ALK: variants seen among roughly 807,000 people sequenced by gnomAD.
The protein encoded by ALK is ALK receptor tyrosine kinase, also known as ALK tyrosine kinase receptor.
In ALK, 74 loss-of-function variants were observed where a neutral mutation model predicts 163.1. The observed-to-expected ratio is 0.45, with a 90% CI of 0.38 to 0.55. The LOEUF is 0.55. ALK is among the 20% of genes least tolerant of loss of function. The pLI is 0.00. For synonymous variants in ALK, 960 were observed against 843.2 expected (o/e 1.14, Z -2.40); for missense variants, 2,063 against 2,105.3 (o/e 0.98, Z 0.39).
rs376883960 is a variant in ALK at position 29,906,140 on chromosome 2, G to C, written c.667+13853C>G. On this transcript the variant is annotated intron_variant, in intron 1 of 28. Transcript: ENST00000389048. ...TAAGAGGAGAGGGCGTGTGGGGCAG[G>C]GGGGAAGAAGCAGGCTCAGTGAGCA... 3.8e-4 allele frequency among the ~76,000 whole-genome samples: 52 copies of C among 136,826 alleles called. 1 individual carries two copies. Among genetic ancestry groups the C allele is most frequent in the African/African-American group, 1.1e-3 (29 of 27,156 alleles). 89.8% of individuals were successfully genotyped at this position (136,826 alleles called of 152,430 possible).
intron 1 of ALK, among the ~76,000 whole-genome samples, chr2:29,822,846 G>C (rs1665086574): frequency 6.6e-6 from 1 of 152,248 alleles, no homozygotes; most frequent in South Asian, 2.1e-4. Flanking sequence ...CCTATCAAGT[G>C]AGGCTGTTGG....
chr2:29,490,471 G>C (rs1010563944), intron 4 of ALK, among the ~76,000 whole-genome samples: 1 of 152,174 alleles, frequency 6.6e-6, no homozygotes, highest in African/African-American at 2.4e-5. Flanking sequence ...GCATCATCTG[G>C]GGACTTGTTA....
intron 1 of ALK, among the ~76,000 whole-genome samples, chr2:29,739,315 G>T (rs531597359): frequency 2.1e-5 from 3 of 145,098 alleles, no homozygotes; most frequent in African/African-American, 7.7e-5. Context: ...ATCCCAGCAC[G>T]CTGGGAGCCC....
chr2:29,603,464 AGTCT>A (rs1271132469), intron 3 of ALK, among the ~76,000 whole-genome samples: 2 of 152,110 alleles, frequency 1.3e-5, no homozygotes, highest in Non-Finnish European at 2.9e-5. Flanking sequence ...TACTACAAAG[AGTCT>A]GTTTTGTCAG....
rs2148443981 is a variant in ALK at position 29,920,589 on chromosome 2, C to T, written c.71G>A (p.Gly24Glu). 1.3e-6 allele frequency: 2 copies of T among 1,573,736 alleles called. No homozygotes were observed. The highest frequency in any genetic ancestry group is 1.8e-4 in the Middle Eastern group (1 of 5,430). Residue 24 changes from glycine (G) to glutamate (E), a missense_variant, in exon 1 of 29, where the codon GGG becomes GAG. Gly to Glu is a moderately conservative substitution (Grantham distance 98, BLOSUM62 -2). Transcript: ENST00000389048. ...LSTAAVGSGM[G>E]TGQRAGSPAA... ...TGGGGAGCCCGCGCGCTGGCCGGTC[C>T]CCATCCCGGAGCCCACAGCTGCCGT...
At chr2:29,247,695 C>T (rs940233325) in intron 12 of ALK, among the ~76,000 whole-genome samples, 1 of 152,148 alleles carries the variant, frequency 6.6e-6, no homozygotes, top group Non-Finnish European at 1.5e-5. Flanking sequence ...AATGGTGGCC[C>T]CCCCTTGGCA....
chr2:29,355,915 C>G (rs1025988780), intron 5 of ALK, among the ~76,000 whole-genome samples: 1 of 152,160 alleles, frequency 6.6e-6, no homozygotes, highest in African/African-American at 2.4e-5. Flanking sequence ...GAGTAGCACG[C>G]TGGAGCCAAT....
intron 5 of ALK, among the ~76,000 whole-genome samples, chr2:29,373,994 G>C (rs1244785789): frequency 6.6e-6 from 1 of 152,204 alleles, no homozygotes; most frequent in East Asian, 1.9e-4. Context: ...AGCAAGTCTG[G>C]GCTGTCAGAA....
intron 1 of ALK, among the ~76,000 whole-genome samples, chr2:29,796,325 C>T (rs772175114): frequency 3.9e-5 from 6 of 152,074 alleles, no homozygotes; most frequent in Non-Finnish European, 8.8e-5. Flanking sequence ...TTCCTCCAAA[C>T]GTTAGCAGCC....
At chr2:29,824,893 G>A (rs1017270566) in intron 1 of ALK, among the ~76,000 whole-genome samples, 1 of 152,194 alleles carries the variant, frequency 6.6e-6, no homozygotes, top group Non-Finnish European at 1.5e-5. Flanking sequence ...AGATTTGGGA[G>A]AGGCCAGAAG....
chr2:29,341,795 G>A (rs1382023748), intron 5 of ALK, among the ~76,000 whole-genome samples: 2 of 152,226 alleles, frequency 1.3e-5, no homozygotes, highest in African/African-American at 4.8e-5. Context: ...TACAGTTCAG[G>A]CAAAGAAACC....
rs1669860579 is a variant in ALK, at chr2:29,223,385, T to C, written c.3316A>G (p.Ser1106Gly). The change falls in exon 20 of 29, where the codon AGT becomes GGT. Residue 1106 changes from serine to glycine, a missense_variant. Around this residue, in one of 5 missense-constraint regions of ALK, gnomAD observed 575 missense variants for 626.6 expected, o/e 0.92. Coordinates refer to ENST00000389048, the MANE Select transcript of ALK (RefSeq NM_004304.5). ...TTCCGCGGCACCTCCTTCAGGTCAC[T>C]GATGGAGGAGGTCTTGCCAGCAAAG... ...YCFAGKTSSI[S>G]DLKEVPRKNI... The C allele has an allele frequency of 6.2e-7, 1 of 1,614,178 alleles. No homozygotes were observed. The highest frequency in any genetic ancestry group is 1.1e-5 in the South Asian group (1 of 91,078).
At chr2:29,440,172 T>G (rs1670501159) in intron 4 of ALK, among the ~76,000 whole-genome samples, 1 of 151,872 alleles carries the variant, frequency 6.6e-6, no homozygotes, top group Non-Finnish European at 1.5e-5. Context: ...AGGTGGAGGT[T>G]GCAGTGAGCC....
chr2:29,428,061 G>C (rs945748526), intron 4 of ALK, among the ~76,000 whole-genome samples: 7 of 151,914 alleles, frequency 4.6e-5, no homozygotes, highest in African/African-American at 1.7e-4. Flanking sequence ...AGAAAACTTA[G>C]AGCATACTTT....
intron 11 of ALK, among the ~76,000 whole-genome samples, chr2:29,259,398 A>G (rs780368878): frequency 6.6e-6 from 1 of 152,116 alleles, no homozygotes; most frequent in Admixed American, 6.5e-5. Context: ...TTCTGTAAGT[A>G]TTTATATTTA....
intron 1 of ALK, among the ~76,000 whole-genome samples, chr2:29,779,661 T>C (rs1681280557): frequency 1.3e-5 from 2 of 152,224 alleles, no homozygotes; most frequent in Non-Finnish European, 1.5e-5. Flanking sequence ...CTGCAGATAA[T>C]ATATCATGTG....
intron 8 of ALK, among the ~76,000 whole-genome samples, chr2:29,311,282 G>A (rs1213728566): frequency 3.3e-5 from 5 of 152,196 alleles, no homozygotes; most frequent in Non-Finnish European, 7.3e-5. Context: ...TTGTGACCTA[G>A]GGGATGGAGT....
intron 1 of ALK, among the ~76,000 whole-genome samples, chr2:29,849,050 T>A (rs1452456119): frequency 2.6e-5 from 4 of 151,914 alleles, no homozygotes; most frequent in Non-Finnish European, 5.9e-5. Flanking sequence ...GACTTACACA[T>A]CTCCATGCAC....
chr2:29,651,777 C>T (rs1677043765), intron 3 of ALK, among the ~76,000 whole-genome samples: 1 of 152,144 alleles, frequency 6.6e-6, no homozygotes, highest in Non-Finnish European at 1.5e-5. Flanking sequence ...AATCTTTCTG[C>T]AGCATTCAAC....
Sources: allele counts gnomAD v4.1 joint callset (sites outside exome capture counted in the v4.1 genomes callset), GRCh38; gene constraint gnomAD v4.1.1; regional missense constraint gnomAD v4.1.1; transcripts MANE v1.5; gene names NCBI Gene and HGNC (gene_info 2026-07-23, HGNC 2026-07-21).